Variants in PKD1L3 observed in about 807,000 individuals in gnomAD.
PKD1L3 encodes the protein polycystin 1 like 3, transient receptor potential channel interacting.
In PKD1L3, 239 loss-of-function variants were observed where a neutral mutation model predicts 184.1. The ratio of observed to expected loss-of-function variants is 1.30; its 90% confidence interval spans 1.17 to 1.45. PKD1L3 has a LOEUF of 1.45. Among genes scored for constraint, PKD1L3 ranks in the 40% most tolerant of loss-of-function variants. The probability of loss-of-function intolerance (pLI) is 0.00; values close to 1 mark genes in which losing one functional copy is unlikely to be tolerated. For synonymous variants in PKD1L3, 996 were observed against 778.8 expected (o/e 1.28, Z -4.64); for missense variants, 2,660 against 2,067.2 (o/e 1.29, Z -5.56).
chr16:71,980,090 G>A lies in PKD1L3; in HGVS notation c.1188C>T (p.Ile396=), dbSNP rs2040090975. 9.0e-6 allele frequency: 14 copies of A among 1,551,566 alleles called. No homozygotes were observed. In the East Asian group the frequency reaches 1.7e-4, roughly 19 times the overall value. The stretch of plus-strand genomic sequence containing the variant: ...GGTTCTGCTCTAGAAATGCTTCCCC[G>A]ATATTCCCAAACTCCACCAAGGACA... ...LEMSLVEFGN[I]GEAFLEQNQS... is the part of the protein sequence containing the mutation. Residue 396 remains isoleucine (I), a synonymous_variant, in exon 8 of 30, where the codon ATC becomes ATT. Transcript: ENST00000620267.
At chr16:71,955,416 TAC>T (rs1357780533) in intron 16 of PKD1L3, among the ~76,000 whole-genome samples, 1 of 151,924 alleles carries the variant, frequency 6.6e-6, no homozygotes, top group Non-Finnish European at 1.5e-5. Flanking sequence ...CAGCCTGGGC[TAC>T]AGAGAGACTC....
intron 3 of PKD1L3, among the ~76,000 whole-genome samples, chr16:71,991,970 ATTTT>A (rs1431370063): frequency 1.3e-5 from 2 of 152,094 alleles, no homozygotes; most frequent in Non-Finnish European, 2.9e-5. Flanking sequence ...ACCACATCTA[ATTTT>A]TTTAATTTTT....
Position 71,986,455 on chromosome 16 carries a change from A to T in PKD1L3, c.600T>A (p.Cys200Ter). Reference protein sequence around the residue: ...PLPAHLSKTLCHPISQFPSVL... With the variant: ...PLPAHLSKTL Reference sequence around the variant, plus strand: ...CTGAAGGAAACTGGCTGATGGGATGACACAGGGTCTTGGACTAAAAGATAA... The same window carrying T: ...CTGAAGGAAACTGGCTGATGGGATGTCACAGGGTCTTGGACTAAAAGATAA... Residue 200 changes from cysteine to a stop codon, truncating the protein, a stop_gained, in exon 5 of 30, where the codon TGT becomes TGA. Transcript: ENST00000620267. LOFTEE classifies it high-confidence loss of function. The T allele has an allele frequency of 6.4e-7, 1 of 1,551,792 alleles. No homozygotes were observed. The highest frequency in any genetic ancestry group is 8.7e-7 in the Non-Finnish European group (1 of 1,146,790).
intron 15 of PKD1L3, among the ~76,000 whole-genome samples, chr16:71,966,827 TTTTAA>T (rs1443703190): frequency 3.3e-5 from 5 of 152,332 alleles, no homozygotes; most frequent in Admixed American, 1.3e-4. Context: ...TTAGAAATAC[TTTTAA>T]TTTGTGGCAC....
At position 71,949,925 on chromosome 16, in the gene PKD1L3, AG is replaced by A; in HGVS notation, c.3475del (p.Leu1159SerfsTer3). 4 of 1,551,710 alleles carry A rather than the reference AG, an allele frequency of 2.6e-6. No individual in the cohort carries two copies. The highest frequency in any genetic ancestry group is 3.5e-6 in the Non-Finnish European group (4 of 1,147,002). On this transcript the variant is annotated frameshift_variant, in exon 21 of 30. Transcript: ENST00000620267. LOFTEE classifies it high-confidence loss of function. ...LSKWLTSVCW[L>X]LLGFTSLASA... ...AGCCAGGCTAGTGAAACCTAAGAGG[AG>A]CCAGCAGACTGAAGTCAACCATTTG...
intron 25 of PKD1L3, 30 bp from the exon 26 acceptor site, chr16:71,935,548 T>C: frequency 6.5e-7 from 1 of 1,545,686 alleles, no homozygotes; most frequent in Non-Finnish European, 8.7e-7. Context: ...TCACTGTTGC[T>C]TGTCTGAGAG....
intron 22 of PKD1L3, among the ~76,000 whole-genome samples, chr16:71,945,217 T>A (rs12927691): frequency 0.24 from 33,507 of 140,676 alleles, 4,331 homozygotes; most frequent in Non-Finnish European, 0.27. Context: ...CTGGGAATTT[T>A]ATTAAAATAT....
At chr16:71,956,802 G>A (rs956504514) in intron 16 of PKD1L3, among the ~76,000 whole-genome samples, 15 of 152,078 alleles carry the variant, frequency 9.9e-5, no homozygotes, top group South Asian at 2.1e-4. Context: ...GGTGAAGATG[G>A]TAAATGTTAT....
chr16:71,933,814 T>C (rs940712217), intron 27 of PKD1L3, 101 bp downstream of exon 27: 2 of 1,305,544 alleles, frequency 1.5e-6, no homozygotes. Flanking sequence ...TTTCCTACTG[T>C]ACCACCTCGG....
chr16:71,984,272 A>T, intron 5 of PKD1L3, 105 bp from the exon 6 acceptor site: 1 of 1,122,124 alleles, frequency 8.9e-7, no homozygotes, highest in South Asian at 1.5e-5. Context: ...AACTTTATAA[A>T]CCCTATGAAC....
chr16:71,948,794 T>C (rs555895365), intron 21 of PKD1L3, among the ~76,000 whole-genome samples: 1 of 74,490 alleles, frequency 1.3e-5, no homozygotes, highest in East Asian at 4.3e-4. Context: ...TATCTTAACT[T>C]ACATATAGTA....
At chr16:71,929,808 T>C (rs2037861969) in intron 29 of PKD1L3, 130 bp from the exon 30 acceptor site, 3 of 1,064,882 alleles carry the variant, frequency 2.8e-6, no homozygotes, top group South Asian at 3.5e-5. Context: ...TAATTTGCAG[T>C]CAGGCATTGG....
intron 18 of PKD1L3, among the ~76,000 whole-genome samples, chr16:71,952,194 CATTT>C (rs1284950409): frequency 2.2e-5 from 2 of 89,772 alleles, no homozygotes; most frequent in Non-Finnish European, 4.4e-5. Context: ...GGGAGCATGT[CATTT>C]TTTTTTTTTT....
chr16:71,948,803 TAA>T (rs57129483), intron 21 of PKD1L3, among the ~76,000 whole-genome samples: 23 of 81,208 alleles, frequency 2.8e-4, no homozygotes, highest in African/African-American at 1.0e-3. Flanking sequence ...TTACATATAG[TAA>T]AAAAAAAAAA....
intron 21 of PKD1L3, 102 bp downstream of exon 21, chr16:71,949,679 TTA>T: frequency 9.3e-7 from 1 of 1,080,192 alleles, no homozygotes; most frequent in Non-Finnish European, 1.3e-6. Flanking sequence ...TTTTTGTTGT[TTA>T]TGTTACATTG....
At chr16:71,987,482 CCT>C (rs1340906708) in intron 4 of PKD1L3, among the ~76,000 whole-genome samples, 1 of 152,134 alleles carries the variant, frequency 6.6e-6, no homozygotes, top group Non-Finnish European at 1.5e-5. Context: ...AAGCAATTCT[CCT>C]GGCTCAGCCT....
chr16:71,933,836 G>T, intron 27 of PKD1L3, 79 bp downstream of exon 27: 14 of 1,469,168 alleles, frequency 9.5e-6, no homozygotes, highest in Non-Finnish European at 1.3e-5. Flanking sequence ...TTTCTGTGTT[G>T]TGACCATTTC....
rs2040920237 is a variant in PKD1L3, at chr16:72,000,205, C to T, written c.-227G>A. 1.3e-5 allele frequency among the ~76,000 whole-genome samples: 2 copies of T among 152,172 alleles called. No homozygotes were observed. The highest frequency in any genetic ancestry group is 2.1e-4 in the South Asian group (1 of 4,822). ...ATGGCCCTTTTTATCTGGGGCCCCA[C>T]CATCTGTGTCTACCTACCGAATATG... On this transcript the variant is annotated 5_prime_UTR_variant, in exon 1 of 30. It adds an upstream start codon to the 5' untranslated region. Coordinates refer to ENST00000620267, the MANE Select transcript of PKD1L3 (RefSeq NM_181536.2).
chr16:71,995,286 G>A (rs2040747701), intron 2 of PKD1L3, among the ~76,000 whole-genome samples: 1 of 79,302 alleles, frequency 1.3e-5, no homozygotes, highest in African/African-American at 1.6e-4. Context: ...AAAGCCCCAC[G>A]TCTTAATGCG....
Sources: gnomAD v4.1 joint callset for allele counts (sites outside exome capture counted in the v4.1 genomes callset) on GRCh38, gnomAD v4.1.1 for gene constraint, MANE v1.5 for transcripts, NCBI Gene and HGNC (gene_info 2026-07-23, HGNC 2026-07-21) for gene names.